The following PPM1H variants were observed in gnomAD, a reference collection of about 807,000 sequenced individuals.
PPM1H encodes protein phosphatase, Mg2+/Mn2+ dependent 1H.
PPM1H carries 27 observed loss-of-function variants against 54.9 expected under a neutral mutation model. The observed-to-expected ratio is 0.49, with a 90% CI of 0.36 to 0.68. The LOEUF (loss-of-function observed/expected upper bound fraction) is 0.68. PPM1H is among the 30% of genes least tolerant of loss of function. The pLI is 0.00. For missense variants in PPM1H, 596 were observed against 667.8 expected (o/e 0.89, Z 1.19); for synonymous variants, 305 against 270.8 (o/e 1.13, Z -1.24).
intron 1 of PPM1H, among the ~76,000 whole-genome samples, chr12:62,851,793 A>G (rs1565809615): frequency 6.6e-6 from 1 of 152,212 alleles, no homozygotes; most frequent in Non-Finnish European, 1.5e-5. Context: ...TGATAATTAA[A>G]GGAGAGAAAT....
intron 5 of PPM1H, among the ~76,000 whole-genome samples, chr12:62,728,877 T>C (rs977813264): frequency 7.2e-5 from 11 of 152,190 alleles, no homozygotes; most frequent in African/African-American, 2.7e-4. Context: ...GATGGGGCTT[T>C]GAGGTTACTC....
chr12:62,657,291 A>G (rs1311199877), intron 9 of PPM1H, among the ~76,000 whole-genome samples: 1 of 152,194 alleles, frequency 6.6e-6, no homozygotes, highest in African/African-American at 2.4e-5. Flanking sequence ...AATTCCAAAC[A>G]GTAACATTTC....
At chr12:62,909,063 A>G (rs1042880388) in intron 1 of PPM1H, among the ~76,000 whole-genome samples, 5 of 151,946 alleles carry the variant, frequency 3.3e-5, no homozygotes, top group Non-Finnish European at 7.4e-5. Context: ...TGGAACCACT[A>G]TTCACCCAGT....
At chr12:62,860,123 C>T (rs758703507) in intron 1 of PPM1H, among the ~76,000 whole-genome samples, 25 of 152,118 alleles carry the variant, frequency 1.6e-4, no homozygotes, top group Admixed American at 1.6e-3. Context: ...AGCCTACAAT[C>T]GAGTCAGAAG....
At position 62,667,213 on chromosome 12, in the gene PPM1H, C is replaced by T. The variant is rs1228866466; in HGVS notation, c.1362G>A (p.Gln454=). The change falls in exon 9 of 10, where the codon CAG becomes CAA. Residue 454 remains glutamine, a synonymous_variant. Transcript: ENST00000228705. ...CATCTGGATCACAGTTAGGAAGAAA[C>T]TGAGTGATTGCTTCTGCTACTTCTT... is the stretch of plus-strand genomic sequence containing the variant. ...SNEEVAEAIT[Q]FLPNCDPDDP... is the part of the protein sequence containing the mutation. 1 of 1,601,638 alleles carries T rather than the reference C, an allele frequency of 6.2e-7. No homozygotes were observed. The highest frequency in any genetic ancestry group is 1.7e-5 in the Admixed American group (1 of 59,978).
intron 4 of PPM1H, among the ~76,000 whole-genome samples, chr12:62,739,466 C>T (rs10128947): frequency 0.019 from 2,967 of 152,248 alleles, 77 homozygotes; most frequent in African/African-American, 0.068. Context: ...CCTGAGAATT[C>T]GGGGAGCTGG....
intron 1 of PPM1H, among the ~76,000 whole-genome samples, chr12:62,890,742 AC>A (rs1870762704): frequency 6.6e-6 from 1 of 151,642 alleles, no homozygotes; most frequent in Admixed American, 6.6e-5. Context: ...ACACACACAC[AC>A]ACACACACAC....
intron 4 of PPM1H, 41 bp downstream of exon 4, chr12:62,788,185 G>A: frequency 1.6e-6 from 2 of 1,229,802 alleles, no homozygotes; most frequent in Non-Finnish European, 2.3e-6. Context: ...ACATCAGAAG[G>A]CATTAGAAAT....
At chr12:62,885,439 C>T (rs140934101) in intron 1 of PPM1H, among the ~76,000 whole-genome samples, 322 of 152,284 alleles carry the variant, frequency 2.1e-3, no homozygotes, top group Admixed American at 0.018. Context: ...GTCAGGCCCA[C>T]CTGGGATAAA....
intron 5 of PPM1H, among the ~76,000 whole-genome samples, chr12:62,727,863 G>A (rs2076298613): frequency 6.6e-6 from 1 of 151,752 alleles, no homozygotes; most frequent in African/African-American, 2.4e-5. Flanking sequence ...GTTTCACCAT[G>A]TTGGCCAGGC....
At chr12:62,776,310 T>C (rs551647921) in intron 4 of PPM1H, among the ~76,000 whole-genome samples, 23 of 152,356 alleles carry the variant, frequency 1.5e-4, no homozygotes, top group African/African-American at 5.5e-4. Context: ...TCCCTTGCTG[T>C]CGCATTTGAA....
rs370757386 is a variant in PPM1H, at chr12:62,805,012, C to T, written c.412-2852G>A. 2.0e-5 allele frequency among the ~76,000 whole-genome samples: 3 copies of T among 152,282 alleles called. No homozygotes were observed. The East Asian group carries it at 5.8e-4, about 29-fold the overall frequency. Reference sequence around the variant, plus strand: ...TTTCTACTGCAATGTATTAAACTCACTTTTTAAAAATCTTTTTGTTTTTTA... The same window carrying T: ...TTTCTACTGCAATGTATTAAACTCATTTTTTAAAAATCTTTTTGTTTTTTA... On this transcript the variant is annotated intron_variant, in intron 2 of 9. Coordinates refer to ENST00000228705, the MANE Select transcript of PPM1H (RefSeq NM_020700.2).
chr12:62,891,104 C>CAAAAAAAAAAAAAAA (rs71450596), intron 1 of PPM1H, among the ~76,000 whole-genome samples: 2 of 76,104 alleles, frequency 2.6e-5, no homozygotes, highest in Non-Finnish European at 2.5e-5. Flanking sequence ...GCAAGACTCT[C>CAAAAAAAAAAAAAAA]AAAAAAAAAA....
chr12:62,878,726 G>C (rs981238689), intron 1 of PPM1H, among the ~76,000 whole-genome samples: 3 of 151,410 alleles, frequency 2.0e-5, no homozygotes, highest in Non-Finnish European at 2.9e-5. Context: ...GATCACTTGA[G>C]GTCAGGAGTT....
intron 8 of PPM1H, among the ~76,000 whole-genome samples, chr12:62,675,346 G>T (rs140830379): frequency 6.6e-6 from 1 of 152,168 alleles, no homozygotes; most frequent in East Asian, 1.9e-4. Flanking sequence ...GGCCTGGCAC[G>T]TTACAATTCT....
chr12:62,665,936 C>T (rs111249938), intron 9 of PPM1H, among the ~76,000 whole-genome samples: 117 of 152,192 alleles, frequency 7.7e-4, no homozygotes, highest in Admixed American at 3.9e-3. Context: ...ACCATGTTTC[C>T]CAGGCTTGTC....
At chr12:62,847,812 C>G (rs549015323) in intron 1 of PPM1H, among the ~76,000 whole-genome samples, 15 of 152,056 alleles carry the variant, frequency 9.9e-5, no homozygotes, top group South Asian at 6.2e-4. Flanking sequence ...CAAGAGTAGA[C>G]AGTAAGCTGT....
chr12:62,783,217 CTA>C (rs1354096334), intron 4 of PPM1H, among the ~76,000 whole-genome samples: 1 of 152,176 alleles, frequency 6.6e-6, no homozygotes, highest in Non-Finnish European at 1.5e-5. Flanking sequence ...CACTCCTTTT[CTA>C]TATTATAAAT....
In PPM1H at chr12:62,687,948, G is replaced by A. The variant is rs531922046; in HGVS notation, c.1245+1751C>T. On this transcript the variant is annotated intron_variant, in intron 8 of 9. Coordinates refer to ENST00000228705, the MANE Select transcript of PPM1H (RefSeq NM_020700.2). ...CACTTGAATCTGGGAGGTGGAGGGT[G>A]CAGTGAGCCAACATTGCACCACTGC... Among the ~76,000 whole-genome samples the A allele has an allele frequency of 2.0e-5, 3 of 148,576 alleles. No homozygotes were observed. In the South Asian group the frequency reaches 6.3e-4, roughly 31 times the overall value.
Sources: allele counts gnomAD v4.1 joint callset (sites outside exome capture counted in the v4.1 genomes callset), GRCh38; gene constraint gnomAD v4.1.1; transcripts MANE v1.5; gene names NCBI Gene and HGNC (gene_info 2026-07-23, HGNC 2026-07-21).